Variants in PRKN observed in about 807,000 individuals in gnomAD.
PRKN encodes the protein E3 ubiquitin-protein ligase parkin.
In PRKN, 56 loss-of-function variants were observed where a neutral mutation model predicts 59.5. That is an observed-to-expected ratio of 0.94 (90% CI 0.76 to 1.18). PRKN has a LOEUF of 1.18. Ranked by LOEUF, PRKN falls within the 50% of genes most tolerant of loss-of-function variation. The pLI, the probability that PRKN is intolerant of heterozygous loss-of-function variation, is 0.00. For synonymous variants in PRKN, 250 were observed against 222.1 expected (o/e 1.13, Z -1.12); for missense variants, 657 against 596.4 (o/e 1.10, Z -1.06).
chr6:162,576,761 C>CAAGATGGTG lies in PRKN; in HGVS notation c.8-133297_8-133289dup, dbSNP rs1170676031. Among the ~76,000 whole-genome samples the CAAGATGGTG allele has an allele frequency of 1.8e-4, 22 of 123,768 alleles. No homozygotes were observed. The South Asian group carries it at 5.9e-3, about 33-fold the overall frequency. The allele number at this position is 123,768 out of a possible 152,430, so 81.2% of individuals were successfully genotyped here. On this transcript the variant is annotated intron_variant, in intron 1 of 11. Transcript: ENST00000366898. Reference sequence around the variant, plus strand: ...CAGAGAGGCGGAGGTTGCAGTGAGACAAGATGGTGCTACTGCACTCCAGCA... The same window carrying CAAGATGGTG: ...CAGAGAGGCGGAGGTTGCAGTGAGACAAGATGGTGAAGATGGTGCTACTGCACTCCAGCA...
intron 7 of PRKN, among the ~76,000 whole-genome samples, chr6:161,740,112 A>G (rs1788126956): frequency 6.6e-6 from 1 of 152,244 alleles, no homozygotes; most frequent in South Asian, 2.1e-4. Flanking sequence ...AATGTTATCA[A>G]ACGAGTTGAT....
rs1185486121 is a variant in PRKN at position 161,371,893 on chromosome 6, C to A, written c.1168-11688G>T. 6.6e-6 allele frequency among the ~76,000 whole-genome samples: 1 copy of A among 152,068 alleles called. No homozygotes were observed. Among genetic ancestry groups the A allele is most frequent in the African/African-American group, 2.4e-5 (1 of 41,404 alleles). On this transcript the variant is annotated intron_variant, in intron 10 of 11. Transcript: ENST00000366898. The surrounding 1 kb of genome is among the most constrained non-coding windows in gnomAD (Gnocchi z 5.5). ...ACCTCAGGTGATCTGCCTGCCTCGGCCTCCCAAAGTGCTGGGATTACAGGC... is the reference window on the plus strand; with the variant it reads ...ACCTCAGGTGATCTGCCTGCCTCGGACTCCCAAAGTGCTGGGATTACAGGC...
chr6:162,145,724 T>A (rs1781996247), intron 4 of PRKN, among the ~76,000 whole-genome samples: 1 of 152,228 alleles, frequency 6.6e-6, no homozygotes, highest in African/African-American at 2.4e-5. Flanking sequence ...CTCATGTAAA[T>A]ACAGTGTTGG....
chr6:161,684,584 T>G (rs1350724738), intron 7 of PRKN, among the ~76,000 whole-genome samples: 1 of 152,082 alleles, frequency 6.6e-6, no homozygotes, highest in Non-Finnish European at 1.5e-5. Flanking sequence ...TGTTATCACC[T>G]ATTAGAGGGA....
intron 4 of PRKN, among the ~76,000 whole-genome samples, chr6:162,167,516 G>C (rs1354763162): frequency 1.3e-5 from 2 of 152,084 alleles, no homozygotes; most frequent in Non-Finnish European, 2.9e-5. Context: ...TGAGGGATCT[G>C]ACTATTATAG....
intron 3 of PRKN, among the ~76,000 whole-genome samples, chr6:162,215,290 G>A (rs1777593388): frequency 6.6e-6 from 1 of 152,108 alleles, no homozygotes; most frequent in South Asian, 2.1e-4. Flanking sequence ...AATATTATGT[G>A]GAGGAACCAA....
chr6:162,280,393 G>A (rs909365430), intron 2 of PRKN, among the ~76,000 whole-genome samples: 5 of 152,100 alleles, frequency 3.3e-5, no homozygotes, highest in Non-Finnish European at 5.9e-5. Context: ...TGTCAAGGGG[G>A]AAATTTATAG....
chr6:162,381,752 G>C (rs1305849768), intron 2 of PRKN, among the ~76,000 whole-genome samples: 1 of 152,026 alleles, frequency 6.6e-6, no homozygotes. Context: ...TTAGTCCAAA[G>C]AAATAAAGTG....
At chr6:161,775,768 A>C (rs1403529204) in intron 7 of PRKN, among the ~76,000 whole-genome samples, 1 of 152,188 alleles carries the variant, frequency 6.6e-6, no homozygotes, top group Non-Finnish European at 1.5e-5. Flanking sequence ...AGGTGTCTGC[A>C]ACCCAAGTTT....
chr6:162,195,658 A>C (rs1784461044), intron 4 of PRKN, among the ~76,000 whole-genome samples: 1 of 152,152 alleles, frequency 6.6e-6, no homozygotes, highest in Admixed American at 6.5e-5. Flanking sequence ...GGCAAAGATA[A>C]AGTTCTTTTT....
At chr6:162,339,103 C>T (rs1389747773) in intron 2 of PRKN, among the ~76,000 whole-genome samples, 1 of 149,800 alleles carries the variant, frequency 6.7e-6, no homozygotes. Flanking sequence ...CGGCAGCCGC[C>T]CCGTCTGAGA....
chr6:162,209,762 G>T (rs1193971705), intron 3 of PRKN, among the ~76,000 whole-genome samples: 1 of 152,148 alleles, frequency 6.6e-6, no homozygotes, highest in Non-Finnish European at 1.5e-5. Flanking sequence ...ATACACCGTG[G>T]AATACTATGC....
At chr6:162,679,982 C>T (rs1220722857) in intron 1 of PRKN, among the ~76,000 whole-genome samples, 3 of 152,044 alleles carry the variant, frequency 2.0e-5, no homozygotes, top group African/African-American at 7.2e-5. Flanking sequence ...GGTATATTTC[C>T]TATTCAATGT....
intron 3 of PRKN, among the ~76,000 whole-genome samples, chr6:162,224,116 C>T (rs767439900): frequency 1.3e-5 from 2 of 151,736 alleles, no homozygotes; most frequent in Non-Finnish European, 1.5e-5. Context: ...TATCTCTTAA[C>T]GATATTTTAT....
chr6:162,681,090 G>A (rs995882388), intron 1 of PRKN, among the ~76,000 whole-genome samples: 1 of 152,106 alleles, frequency 6.6e-6, no homozygotes, highest in African/African-American at 2.4e-5. Context: ...AAAGATTCCA[G>A]GAAGACTCCT....
chr6:161,840,372 T>C (rs1007248019), intron 6 of PRKN, among the ~76,000 whole-genome samples: 2 of 152,330 alleles, frequency 1.3e-5, no homozygotes, highest in African/African-American at 4.8e-5. Context: ...CAGCCTGCCC[T>C]GGACAGCTGA....
At chr6:162,647,900 T>C (rs1778249532) in intron 1 of PRKN, among the ~76,000 whole-genome samples, 1 of 133,702 alleles carries the variant, frequency 7.5e-6, no homozygotes, top group African/African-American at 2.9e-5. Flanking sequence ...AAGATCATGT[T>C]AGAGCTCCCA....
intron 1 of PRKN, among the ~76,000 whole-genome samples, chr6:162,519,989 C>A (rs1338178271): frequency 6.6e-6 from 1 of 152,104 alleles, no homozygotes; most frequent in Non-Finnish European, 1.5e-5. Context: ...GTGGCTCATG[C>A]CTGTAATCCC....
intron 1 of PRKN, among the ~76,000 whole-genome samples, chr6:162,726,848 T>G (rs1201342938): frequency 6.6e-6 from 1 of 152,144 alleles, no homozygotes; most frequent in Non-Finnish European, 1.5e-5. Context: ...ATGGTGCATT[T>G]CCATTAATTT....
Sources: gnomAD v4.1 joint callset for allele counts (sites outside exome capture counted in the v4.1 genomes callset) on GRCh38, gnomAD v4.1.1 for gene constraint, Gnocchi (gnomAD v3.1) non-coding constraint, MANE v1.5 for transcripts, NCBI Gene and HGNC (gene_info 2026-07-23, HGNC 2026-07-21) for gene names.